The following PDE1B variants were observed in gnomAD, a reference collection of about 807,000 sequenced individuals.
PDE1B encodes the protein phosphodiesterase 1B.
PDE1B carries 13 observed loss-of-function variants against 66.7 expected under a neutral mutation model. The observed-to-expected ratio is 0.19, with a 90% confidence interval of 0.13 to 0.31. The LOEUF (loss-of-function observed/expected upper bound fraction) is 0.31. Among genes scored for constraint, PDE1B ranks in the 10% least tolerant of loss-of-function variants. The probability of loss-of-function intolerance (pLI) is 1.00; values close to 1 mark genes in which losing one functional copy is unlikely to be tolerated. For synonymous variants in PDE1B, 230 were observed against 253.9 expected (o/e 0.91, Z 0.90); for missense variants, 485 against 682.3 (o/e 0.71, Z 3.22).
intron 2 of PDE1B, among the ~76,000 whole-genome samples, chr12:54,566,256 G>C (rs545234355): frequency 6.6e-6 from 1 of 152,294 alleles, no homozygotes; most frequent in South Asian, 2.1e-4. Context: ...GCTTCAGTGG[G>C]GACAGAGGCA....
intron 2 of PDE1B, among the ~76,000 whole-genome samples, chr12:54,553,888 C>G (rs1392560354): frequency 6.6e-6 from 1 of 152,164 alleles, no homozygotes; most frequent in African/African-American, 2.4e-5. Context: ...GAATGCCTGC[C>G]TGACACGTAT....
chr12:54,577,730 C>T (rs1957788398), intron 15 of PDE1B, 130 bp from the exon 16 acceptor site: 1 of 545,666 alleles, frequency 1.8e-6, no homozygotes, highest in Non-Finnish European at 3.0e-6. Context: ...CTTGGCTGGG[C>T]ACCCTTCTGA....
chr12:54,577,859 G>A lies in PDE1B; in HGVS notation c.*18-1G>A, dbSNP rs1374561813. 1 of 273,420 alleles carries A rather than the reference G, an allele frequency of 3.7e-6. No homozygotes were observed. Among genetic ancestry groups the A allele is most frequent in the Non-Finnish European group, 6.8e-6 (1 of 146,720 alleles). 16.9% of individuals were successfully genotyped at this position (273,420 alleles called of 1,614,324 possible). A position where few individuals can be genotyped will look rare whatever the true frequency, so the allele number is the denominator to read the frequency against. On this transcript the variant is annotated splice_acceptor_variant, in intron 15 of 15. Coordinates refer to ENST00000243052, the MANE Select transcript of PDE1B (RefSeq NM_000924.4). LOFTEE classifies it low-confidence loss of function (3UTR_SPLICE). The stretch of plus-strand genomic sequence containing the variant: ...ACTGAAGTTTCTCCCTCTTTCCCCA[G>A]GTCTTCATTGAGTCCAAAGTGTTTG...
Position 54,573,751 on chromosome 12 carries a change from G to T in PDE1B, c.1064+42G>T. Reference sequence around the variant, plus strand: ...TGTGGCTGGGGCCAGGCCAGAGGGAGGGGTGTGTGAACTGGGGGGGTATAC... The same window carrying T: ...TGTGGCTGGGGCCAGGCCAGAGGGATGGGTGTGTGAACTGGGGGGGTATAC... On this transcript the variant is annotated intron_variant, in intron 10 of 15. Coordinates refer to ENST00000243052, the MANE Select transcript of PDE1B (RefSeq NM_000924.4). The surrounding 1 kb of genome is among the most constrained non-coding windows in gnomAD (Gnocchi z 5.2). 2 of 1,465,244 alleles carry T rather than the reference G, an allele frequency of 1.4e-6. No individual in the cohort carries two copies. The highest frequency in any genetic ancestry group is 4.5e-5 in the East Asian group (2 of 44,210). The allele number at this position is 1,465,244 out of a possible 1,614,324, so 90.8% of individuals were successfully genotyped here.
At chr12:54,555,238 G>A (rs1957328986) in intron 2 of PDE1B, among the ~76,000 whole-genome samples, 1 of 152,322 alleles carries the variant, frequency 6.6e-6, no homozygotes, top group Admixed American at 6.5e-5. Flanking sequence ...GCTGCCATAG[G>A]TGGGTTCTAT....
chr12:54,572,575 T>C (rs1250773231), intron 6 of PDE1B, 26 bp from the exon 7 acceptor site: 1 of 1,608,338 alleles, frequency 6.2e-7, no homozygotes. Context: ...CCTTGATATA[T>C]CTCCATTTCC....
chr12:54,557,427 A>G (rs1171641630), intron 2 of PDE1B, among the ~76,000 whole-genome samples: 1 of 152,192 alleles, frequency 6.6e-6, no homozygotes, highest in Non-Finnish European at 1.5e-5. Context: ...GATTTGGGGA[A>G]GCAGTGAGCC....
chr12:54,557,000 C>T (rs1378538200), intron 2 of PDE1B, among the ~76,000 whole-genome samples: 2 of 152,092 alleles, frequency 1.3e-5, no homozygotes, highest in African/African-American at 4.8e-5. Context: ...CCCTGTTTAT[C>T]AACTCCTGCA....
At chr12:54,558,608 C>T (rs1366332978) in intron 2 of PDE1B, among the ~76,000 whole-genome samples, 1 of 152,182 alleles carries the variant, frequency 6.6e-6, no homozygotes, top group Non-Finnish European at 1.5e-5. Context: ...TCTGGAGCTA[C>T]ATGCTCTACA....
chr12:54,575,177 A>T lies in PDE1B; in HGVS notation c.1144A>T (p.Ser382Cys). The T allele has an allele frequency of 6.2e-7, 1 of 1,611,576 alleles. No individual in the cohort carries two copies. The highest frequency in any genetic ancestry group is 8.5e-7 in the Non-Finnish European group (1 of 1,177,804). Residue 382 changes from serine (S) to cysteine (C), a missense_variant, in exon 11 of 16, where the codon AGC becomes TGC. By Grantham distance (112) the Ser-to-Cys change is moderately radical (BLOSUM62 -1). Transcript: ENST00000243052. The surrounding 1 kb of genome is among the most constrained non-coding windows in gnomAD (Gnocchi z 4.0). The stretch of plus-strand genomic sequence containing the variant: ...CCCAACCAAGCAGTGGTTGGTCCAC[A>T]GCCGTTGGACCAAGGCCCTCATGGA... The part of the protein sequence containing the change: ...SHPTKQWLVH[S>C]RWTKALMEEF...
chr12:54,577,409 G>C, intron 15 of PDE1B, 64 bp downstream of exon 15: 1 of 1,607,906 alleles, frequency 6.2e-7, no homozygotes, highest in Non-Finnish European at 8.5e-7. Context: ...TTGTTGGGTC[G>C]TCTCTGGGCT....
rs1957755521 is a variant in PDE1B, at chr12:54,576,616, C to T, written c.1422C>T (p.Pro474=). The T allele has an allele frequency of 1.2e-6, 2 of 1,614,034 alleles. No individual in the cohort carries two copies. Among genetic ancestry groups the T allele is most frequent in the East Asian group, 2.2e-5 (1 of 44,872 alleles). Residue 474 remains proline (P), a synonymous_variant, in exon 14 of 16, where the codon CCC becomes CCT. Coordinates refer to ENST00000243052, the MANE Select transcript of PDE1B (RefSeq NM_000924.4). ...CTCTGGATGTGGAAGTGGGAGACCC[C>T]AACCCTGATGTGGTCAGCTTTCGTT... ...QPSLDVEVGD[P]NPDVVSFRST...
intron 2 of PDE1B, among the ~76,000 whole-genome samples, chr12:54,558,753 C>G (rs1257679780): frequency 6.6e-6 from 1 of 152,152 alleles, no homozygotes; most frequent in African/African-American, 2.4e-5. Context: ...CCATCTGAGG[C>G]CTGGATGGAA....
chr12:54,552,029 G>A (rs532925588), intron 2 of PDE1B, among the ~76,000 whole-genome samples: 14 of 152,118 alleles, frequency 9.2e-5, no homozygotes, highest in African/African-American at 1.4e-4. Flanking sequence ...TACAATCTCC[G>A]GATTATTAAT....
At chr12:54,555,654 CT>C (rs1455350638) in intron 2 of PDE1B, among the ~76,000 whole-genome samples, 1 of 152,136 alleles carries the variant, frequency 6.6e-6, no homozygotes, top group African/African-American at 2.4e-5. Flanking sequence ...AGCAGAAAAC[CT>C]TGAAAACAGG....
In PDE1B at chr12:54,577,020, T is replaced by C. The variant is rs182355424; in HGVS notation, c.1508-205T>C. On this transcript the variant is annotated intron_variant, in intron 14 of 15. Transcript: ENST00000243052. Reference sequence around the variant, plus strand: ...GCCCTGGCTGGGAAATCTCTTCCTGTGTGAGGGGGTGGTAGGGTGGTGTTG... The same window carrying C: ...GCCCTGGCTGGGAAATCTCTTCCTGCGTGAGGGGGTGGTAGGGTGGTGTTG... 1.5e-3 allele frequency: 939 copies of C among 612,600 alleles called. 3 individuals carry two copies. The highest frequency in any genetic ancestry group is 1.2e-3 in the Non-Finnish European group (435 of 349,436). 37.9% of individuals were successfully genotyped at this position (612,600 alleles called of 1,614,324 possible). A position where few individuals can be genotyped will look rare whatever the true frequency, so the allele number is the denominator to read the frequency against.
At position 54,572,979 on chromosome 12, in the gene PDE1B, AG is replaced by A. The variant is rs1957643875; in HGVS notation, c.736-167del. On this transcript the variant is annotated intron_variant, in intron 7 of 15. Transcript: ENST00000243052. ...GTGGGAGTGTTGCAGGTTCGGATGG[AG>A]GAAGGTCCTTGGCCATTTCAGGAGC... 2.0e-5 allele frequency among the ~76,000 whole-genome samples: 3 copies of A among 152,156 alleles called. No individual in the cohort carries two copies. In the South Asian group the frequency reaches 6.2e-4, roughly 32 times the overall value.
chr12:54,573,532 T>G lies in PDE1B; in HGVS notation c.962+52T>G. 6.2e-7 allele frequency: 1 copy of G among 1,613,134 alleles called. No homozygotes were observed. Among genetic ancestry groups the G allele is most frequent in the Non-Finnish European group, 8.5e-7 (1 of 1,179,096 alleles). The stretch of plus-strand genomic sequence containing the variant: ...CCTAAGAGACTCCCTTACCACAAAC[T>G]CCATTTTCCACTTCCTGGACCTCCT... On this transcript the variant is annotated intron_variant, in intron 9 of 15. Coordinates refer to ENST00000243052, the MANE Select transcript of PDE1B (RefSeq NM_000924.4). This position sits in a 1 kb window ranked among gnomAD's most constrained non-coding sequence, Gnocchi z 5.2.
At chr12:54,576,537 T>C in intron 13 of PDE1B, 34 bp from the exon 14 acceptor site, 1 of 1,613,698 alleles carries the variant, frequency 6.2e-7, no homozygotes, top group East Asian at 2.2e-5. Flanking sequence ...GGCTGGGGCT[T>C]ACCTCTTGCG....
Sources: gnomAD v4.1 joint callset for allele counts (sites outside exome capture counted in the v4.1 genomes callset) on GRCh38, gnomAD v4.1.1 for gene constraint, Gnocchi (gnomAD v3.1) non-coding constraint, MANE v1.5 for transcripts, NCBI Gene and HGNC (gene_info 2026-07-23, HGNC 2026-07-21) for gene names.